The following CAMKMT variants were observed in gnomAD, a reference collection of about 807,000 sequenced individuals.
CAMKMT encodes the protein calmodulin-lysine N-methyltransferase, also known as CaM KMT.
CAMKMT carries 53 observed loss-of-function variants against 48.0 expected under a neutral mutation model. The observed-to-expected ratio is 1.10, with a 90% CI of 0.89 to 1.39. CAMKMT has a LOEUF of 1.39. CAMKMT is among the 40% of genes most tolerant of loss of function. The probability of loss-of-function intolerance (pLI) is 0.00; values close to 1 mark genes in which losing one functional copy is unlikely to be tolerated. For missense variants in CAMKMT, 428 were observed against 402.7 expected (o/e 1.06, Z -0.54); for synonymous variants, 165 against 152.3 (o/e 1.08, Z -0.61).
intron 3 of CAMKMT, among the ~76,000 whole-genome samples, chr2:44,566,562 C>T (rs78686781): frequency 0.027 from 4,136 of 152,110 alleles, 184 homozygotes; most frequent in African/African-American, 0.094. Context: ...ATAAGGCCAC[C>T]GTGGGGGCTT....
intron 3 of CAMKMT, among the ~76,000 whole-genome samples, chr2:44,685,665 G>T (rs1199725738): frequency 4.6e-5 from 7 of 152,116 alleles, no homozygotes; most frequent in Non-Finnish European, 7.4e-5. Flanking sequence ...CACTCTAAAT[G>T]GGGGGAAATA....
At chr2:44,652,606 TC>T (rs1184244011) in intron 3 of CAMKMT, among the ~76,000 whole-genome samples, 1 of 151,836 alleles carries the variant, frequency 6.6e-6, no homozygotes, top group African/African-American at 2.4e-5. Context: ...CACCACTGCC[TC>T]CCCCTCTCCA....
intron 3 of CAMKMT, among the ~76,000 whole-genome samples, chr2:44,502,936 G>T (rs1447471301): frequency 1.3e-5 from 2 of 151,984 alleles, no homozygotes; most frequent in African/African-American, 4.8e-5. Context: ...ATTATTTTTA[G>T]TTTTTGTGAT....
At chr2:44,543,431 C>G (rs1021095265) in intron 3 of CAMKMT, among the ~76,000 whole-genome samples, 1 of 152,126 alleles carries the variant, frequency 6.6e-6, no homozygotes, top group Admixed American at 6.5e-5. Context: ...AAAATAGTCT[C>G]TTTAGAATCA....
At chr2:44,571,442 C>A (rs757779345) in intron 3 of CAMKMT, among the ~76,000 whole-genome samples, 1 of 152,110 alleles carries the variant, frequency 6.6e-6, no homozygotes, top group African/African-American at 2.4e-5. Context: ...CTAGAAACTT[C>A]TTAGTTTAAA....
intron 9 of CAMKMT, among the ~76,000 whole-genome samples, chr2:44,761,630 C>T (rs547840433): frequency 6.6e-6 from 1 of 152,316 alleles, no homozygotes; most frequent in South Asian, 2.1e-4. Flanking sequence ...AGTTTGAGAA[C>T]CACCTGCAGT....
chr2:44,730,968 A>G (rs771386153), intron 7 of CAMKMT, among the ~76,000 whole-genome samples: 2 of 152,228 alleles, frequency 1.3e-5, no homozygotes, highest in Non-Finnish European at 2.9e-5. Context: ...CATTACATTT[A>G]GCAAGCATGA....
At chr2:44,664,674 G>C (rs1352284254) in intron 3 of CAMKMT, among the ~76,000 whole-genome samples, 1 of 152,108 alleles carries the variant, frequency 6.6e-6, no homozygotes, top group African/African-American at 2.4e-5. Flanking sequence ...TAAAAGTAAA[G>C]ACAAATACAA....
At chr2:44,569,852 G>A (rs142665519) in intron 3 of CAMKMT, among the ~76,000 whole-genome samples, 76 of 152,264 alleles carry the variant, frequency 5.0e-4, no homozygotes, top group Non-Finnish European at 2.5e-4. Flanking sequence ...TGATGATGTG[G>A]ATTTTATAGC....
At chr2:44,489,381 G>A (rs1669374891) in intron 3 of CAMKMT, among the ~76,000 whole-genome samples, 1 of 151,586 alleles carries the variant, frequency 6.6e-6, no homozygotes, top group Admixed American at 6.6e-5. Context: ...GAGTATTTGG[G>A]ATTACAGGCA....
intron 3 of CAMKMT, among the ~76,000 whole-genome samples, chr2:44,599,927 C>T (rs1329978253): frequency 1.3e-5 from 2 of 151,538 alleles, no homozygotes; most frequent in Admixed American, 6.6e-5. Context: ...TTCTTCAAAA[C>T]GATTTGGTAC....
chr2:44,430,626 G>C (rs1164698565), intron 3 of CAMKMT, among the ~76,000 whole-genome samples: 1 of 151,824 alleles, frequency 6.6e-6, no homozygotes, highest in Non-Finnish European at 1.5e-5. Flanking sequence ...GCTCCTCCCA[G>C]GCCCCCGAGG....
intron 7 of CAMKMT, among the ~76,000 whole-genome samples, chr2:44,730,679 G>C (rs180937725): frequency 6.6e-6 from 1 of 152,292 alleles, no homozygotes; most frequent in Non-Finnish European, 1.5e-5. Context: ...CTCTATAAAA[G>C]ATAAGGAAAA....
intron 3 of CAMKMT, among the ~76,000 whole-genome samples, chr2:44,428,175 C>A (rs1176863273): frequency 6.6e-6 from 1 of 152,156 alleles, no homozygotes; most frequent in Admixed American, 6.6e-5. Context: ...AGAATCAGAT[C>A]ACACGGACTT....
intron 3 of CAMKMT, among the ~76,000 whole-genome samples, chr2:44,624,274 T>A (rs771206097): frequency 6.6e-6 from 1 of 152,152 alleles, no homozygotes; most frequent in African/African-American, 2.4e-5. Context: ...TGGGTAAATA[T>A]CTAGGAATGG....
intron 3 of CAMKMT, among the ~76,000 whole-genome samples, chr2:44,405,732 A>G (rs974739619): frequency 2.0e-5 from 3 of 152,196 alleles, no homozygotes; most frequent in African/African-American, 7.2e-5. Flanking sequence ...AAAGAGACAC[A>G]GAAAGTGATA....
chr2:44,470,359 G>A (rs189765768), intron 3 of CAMKMT, among the ~76,000 whole-genome samples: 11 of 152,248 alleles, frequency 7.2e-5, no homozygotes, highest in Admixed American at 4.6e-4. Context: ...TGTCCTTTGT[G>A]AGGGCAGCTT....
chr2:44,395,300 T>C (rs1365777941), intron 3 of CAMKMT, among the ~76,000 whole-genome samples: 1 of 152,162 alleles, frequency 6.6e-6, no homozygotes, highest in Non-Finnish European at 1.5e-5. Context: ...ATAATGCATA[T>C]ATGTAGCATG....
intron 3 of CAMKMT, among the ~76,000 whole-genome samples, chr2:44,474,323 T>C (rs1397507999): frequency 6.6e-6 from 1 of 151,712 alleles, no homozygotes; most frequent in African/African-American, 2.4e-5. Flanking sequence ...GGCAGGTGCC[T>C]ATAATACCAG....
Sources: allele counts gnomAD v4.1 joint callset (sites outside exome capture counted in the v4.1 genomes callset), GRCh38; gene constraint gnomAD v4.1.1; transcripts MANE v1.5; gene names NCBI Gene and HGNC (gene_info 2026-07-23, HGNC 2026-07-21).